The following SDCCAG8 variants were observed in gnomAD, a reference collection of about 807,000 sequenced individuals.
SDCCAG8 encodes serologically defined colon cancer antigen 8.
In SDCCAG8, 74 loss-of-function variants were observed where a neutral mutation model predicts 101.8. The observed-to-expected ratio is 0.73, with a 90% confidence interval of 0.60 to 0.88. The LOEUF (loss-of-function observed/expected upper bound fraction) is 0.88, where lower values mean the gene tolerates loss of function less well. Among genes scored for constraint, SDCCAG8 ranks in the 40% least tolerant of loss-of-function variants. The pLI, the probability that SDCCAG8 is intolerant of heterozygous loss-of-function variation, is 0.00. For synonymous variants in SDCCAG8, 281 were observed against 292.9 expected (o/e 0.96, Z 0.41); for missense variants, 787 against 822.6 (o/e 0.96, Z 0.53).
chr1:243,430,931 G>A (rs760129521), intron 16 of SDCCAG8, among the ~76,000 whole-genome samples: 4 of 152,092 alleles, frequency 2.6e-5, no homozygotes, highest in Non-Finnish European at 5.9e-5. Flanking sequence ...GGGCGTGGTG[G>A]CTCACGCCTG....
At chr1:243,284,664 A>C (rs748886805) in intron 4 of SDCCAG8, among the ~76,000 whole-genome samples, 1 of 152,160 alleles carries the variant, frequency 6.6e-6, no homozygotes, top group Non-Finnish European at 1.5e-5. Context: ...GTTAGGTGGC[A>C]GCAGCCCTCC....
chr1:243,366,753 T>A (rs1331459389), intron 12 of SDCCAG8, among the ~76,000 whole-genome samples: 1 of 152,084 alleles, frequency 6.6e-6, no homozygotes, highest in Non-Finnish European at 1.5e-5. Flanking sequence ...TCAATTAATA[T>A]TTTAATAGTT....
chr1:243,301,494 C>A (rs1443118797), intron 6 of SDCCAG8, among the ~76,000 whole-genome samples: 1 of 152,178 alleles, frequency 6.6e-6, no homozygotes, highest in Non-Finnish European at 1.5e-5. Flanking sequence ...GAAAAAGTTA[C>A]ATTGCTTGAT....
intron 16 of SDCCAG8, among the ~76,000 whole-genome samples, chr1:243,469,349 A>G (rs534124293): frequency 6.6e-6 from 1 of 152,310 alleles, no homozygotes; most frequent in East Asian, 1.9e-4. Flanking sequence ...CCTACAAAAG[A>G]TATTTGTACC....
intron 1 of SDCCAG8, among the ~76,000 whole-genome samples, chr1:243,261,278 C>T (rs983344831): frequency 2.6e-5 from 4 of 152,144 alleles, no homozygotes; most frequent in African/African-American, 9.7e-5. Context: ...AGACACCACT[C>T]TCTGACCCTT....
chr1:243,457,201 T>C (rs1253131333), intron 16 of SDCCAG8, among the ~76,000 whole-genome samples: 1 of 152,226 alleles, frequency 6.6e-6, no homozygotes, highest in Non-Finnish European at 1.5e-5. Flanking sequence ...AAAAATCTTA[T>C]AAATATTCAT....
intron 15 of SDCCAG8, among the ~76,000 whole-genome samples, chr1:243,422,207 A>G (rs1371552458): frequency 2.6e-5 from 4 of 152,156 alleles, no homozygotes; most frequent in African/African-American, 9.7e-5. Context: ...AACACTGCCC[A>G]TTGTGTATTT....
intron 10 of SDCCAG8, among the ~76,000 whole-genome samples, chr1:243,331,963 G>A (rs1013822411): frequency 8.5e-5 from 13 of 152,198 alleles, no homozygotes; most frequent in Admixed American, 7.9e-4. Context: ...TTAGGATATC[G>A]TGGGAATGTG....
chr1:243,454,972 T>G (rs539695241), intron 16 of SDCCAG8, among the ~76,000 whole-genome samples: 1 of 152,314 alleles, frequency 6.6e-6, no homozygotes, highest in South Asian at 2.1e-4. Flanking sequence ...AGATCCACCA[T>G]GACGTAATTT....
intron 16 of SDCCAG8, among the ~76,000 whole-genome samples, chr1:243,477,036 A>G (rs1402640609): frequency 1.1e-5 from 1 of 89,806 alleles, no homozygotes; most frequent in Non-Finnish European, 2.3e-5. Flanking sequence ...ACACACACAG[A>G]GAGAAAGGCA....
intron 5 of SDCCAG8, among the ~76,000 whole-genome samples, chr1:243,292,273 G>A (rs2070348088): frequency 6.6e-6 from 1 of 152,162 alleles, no homozygotes; most frequent in African/African-American, 2.4e-5. Flanking sequence ...GAGTGGGGCT[G>A]TAAGTTCTAG....
intron 8 of SDCCAG8, among the ~76,000 whole-genome samples, chr1:243,309,396 A>C (rs1466327198): frequency 1.3e-5 from 2 of 152,184 alleles, no homozygotes; most frequent in Non-Finnish European, 2.9e-5. Flanking sequence ...ACATATAGTA[A>C]ATGCTCAGTA....
chr1:243,491,993 C>G (rs1038662651), intron 17 of SDCCAG8, among the ~76,000 whole-genome samples: 9 of 152,316 alleles, frequency 5.9e-5, no homozygotes, highest in Admixed American at 4.6e-4. Context: ...GCAAAGTCCA[C>G]CCCTTTCCTT....
chr1:243,456,342 C>G (rs1381527557), intron 16 of SDCCAG8, among the ~76,000 whole-genome samples: 4 of 152,110 alleles, frequency 2.6e-5, no homozygotes, highest in Non-Finnish European at 5.9e-5. Context: ...CCCAGGGTCA[C>G]TGGGCTTTTC....
intron 16 of SDCCAG8, among the ~76,000 whole-genome samples, chr1:243,476,515 C>T (rs1162736765): frequency 6.6e-6 from 1 of 152,186 alleles, no homozygotes; most frequent in Non-Finnish European, 1.5e-5. Context: ...GTGACATACT[C>T]TGGGACCACA....
chr1:243,395,595 G>A (rs1044684727), intron 13 of SDCCAG8, among the ~76,000 whole-genome samples: 16 of 152,104 alleles, frequency 1.1e-4, no homozygotes, highest in Admixed American at 9.8e-4. Flanking sequence ...ATGACACTGG[G>A]TATTTTGAAG....
At chr1:243,414,845 ATGTG>A (rs35826806) in intron 13 of SDCCAG8, among the ~76,000 whole-genome samples, 18,805 of 148,874 alleles carry the variant, frequency 0.13, 1,340 homozygotes, top group African/African-American at 0.19. Flanking sequence ...CCATTCTAAT[ATGTG>A]TGTGTGTGTG....
chr1:243,288,597 G>A (rs1330022285), intron 5 of SDCCAG8, among the ~76,000 whole-genome samples: 1 of 152,182 alleles, frequency 6.6e-6, no homozygotes, highest in African/African-American at 2.4e-5. Flanking sequence ...CTTCTTTTGG[G>A]GGGAAGGGGT....
intron 16 of SDCCAG8, among the ~76,000 whole-genome samples, chr1:243,467,050 T>C (rs1660296531): frequency 6.6e-6 from 1 of 152,202 alleles, no homozygotes. Flanking sequence ...ACCCTTAAAG[T>C]TGGAAACCTG....
Sources: allele counts gnomAD v4.1 joint callset (sites outside exome capture counted in the v4.1 genomes callset), GRCh38; gene constraint gnomAD v4.1.1; transcripts MANE v1.5; gene names NCBI Gene and HGNC (gene_info 2026-07-23, HGNC 2026-07-21).